Variants in ABCA12 observed in about 807,000 individuals in gnomAD.
ABCA12 encodes the protein ATP binding cassette subfamily A member 12, also known as glucosylceramide transporter ABCA12.
ABCA12 carries 156 observed loss-of-function variants against 293.5 expected under a neutral mutation model. The ratio of observed to expected loss-of-function variants is 0.53; its 90% CI spans 0.47 to 0.61. ABCA12 has a LOEUF of 0.61. ABCA12 is among the 20% of genes least tolerant of loss of function. ABCA12 has a pLI of 0.00. For missense variants in ABCA12, 2,797 were observed against 3,090.2 expected (o/e 0.91, Z 2.25); for synonymous variants, 1,063 against 1,108.0 (o/e 0.96, Z 0.81).
chr2:215,063,258 G>C (rs1701571745), intron 3 of ABCA12, among the ~76,000 whole-genome samples: 1 of 151,918 alleles, frequency 6.6e-6, no homozygotes, highest in Non-Finnish European at 1.5e-5. Context: ...GAGAAATTGT[G>C]CTACATGCTA....
At chr2:215,110,855 G>A (rs1702558453) in intron 2 of ABCA12, among the ~76,000 whole-genome samples, 1 of 152,200 alleles carries the variant, frequency 6.6e-6, no homozygotes, top group East Asian at 1.9e-4. Context: ...GGAGATGGCT[G>A]CTTTGTGAAG....
At chr2:215,120,312 C>T (rs1029160706) in intron 1 of ABCA12, among the ~76,000 whole-genome samples, 3 of 152,050 alleles carry the variant, frequency 2.0e-5, no homozygotes, top group Non-Finnish European at 4.4e-5. Flanking sequence ...GAAAAACTAC[C>T]TATTTGGTAC....
rs952951383 is a variant in ABCA12 at position 215,075,604 on chromosome 2, A to C, written c.164-11385T>G. 5 of 691,176 alleles carry C rather than the reference A, an allele frequency of 7.2e-6. No homozygotes were observed. The African/African-American group carries it at 8.9e-5, about 12-fold the overall frequency. 42.8% of individuals were successfully genotyped at this position (691,176 alleles called of 1,614,324 possible). On this transcript the variant is annotated intron_variant, in intron 2 of 52. Coordinates refer to ENST00000272895, the MANE Select transcript of ABCA12 (RefSeq NM_173076.3). ...CCATCCATCCATCACAAGTGTTCCA[A>C]GTAGAAGAATCCCCTGTAAAAGGAG...
chr2:214,993,489 T>C (rs920619057), intron 23 of ABCA12, among the ~76,000 whole-genome samples: 2 of 152,246 alleles, frequency 1.3e-5, no homozygotes, highest in African/African-American at 2.4e-5. Flanking sequence ...TTCAGAGATA[T>C]TCACCTGTTC....
At chr2:215,088,562 T>C (rs896893025) in intron 2 of ABCA12, among the ~76,000 whole-genome samples, 1 of 152,222 alleles carries the variant, frequency 6.6e-6, no homozygotes, top group Non-Finnish European at 1.5e-5. Flanking sequence ...TCTAGTGTAA[T>C]GAAAAGCTAT....
intron 49 of ABCA12, among the ~76,000 whole-genome samples, chr2:214,943,276 G>A (rs985745147): frequency 5.3e-5 from 8 of 152,028 alleles, no homozygotes; most frequent in South Asian, 2.1e-4. Flanking sequence ...TAGCTGGGAC[G>A]ACAGATGTGC....
In ABCA12 at chr2:215,025,788, G is replaced by A. The variant is rs1284769509; in HGVS notation, c.1181-9C>T. The A allele has an allele frequency of 6.3e-7, 1 of 1,576,004 alleles. No homozygotes were observed. Among genetic ancestry groups the A allele is most frequent in the Non-Finnish European group, 8.7e-7 (1 of 1,145,740 alleles). On this transcript the variant is annotated splice_polypyrimidine_tract_variant and intron_variant, in intron 10 of 52. Transcript: ENST00000272895. ...CAGGAGTCTTAGATTTTCTGTAAAG[G>A]AAGGGAGAAGAGTTACTTTATGTGA...
In ABCA12 at chr2:214,971,851, T is replaced by C. The variant is rs537648136; in HGVS notation, c.5563-1451A>G. Among the ~76,000 whole-genome samples the C allele has an allele frequency of 3.9e-5, 6 of 152,100 alleles. No individual in the cohort carries two copies. The South Asian group carries it at 1.2e-3, about 32-fold the overall frequency. ...TTGCCAAGTAGTTTTAAAAACTGTT[T>C]GCACAAAATTAAATTCCCAGAGCAG... On this transcript the variant is annotated intron_variant, in intron 36 of 52. Transcript: ENST00000272895.
intron 3 of ABCA12, among the ~76,000 whole-genome samples, chr2:215,061,044 G>A (rs1026257994): frequency 6.6e-6 from 1 of 152,026 alleles, no homozygotes; most frequent in African/African-American, 2.4e-5. Context: ...CCAACTGTGT[G>A]AGCAATGGCA....
chr2:215,001,075 C>G (rs1015004595), intron 21 of ABCA12, 55 bp from the exon 22 acceptor site: 184 of 1,568,122 alleles, frequency 1.2e-4, no homozygotes, highest in Non-Finnish European at 1.4e-4. Flanking sequence ...TGACGTTATT[C>G]ATTGTTTGGA....
intron 2 of ABCA12, among the ~76,000 whole-genome samples, chr2:215,083,964 T>C (rs1701991196): frequency 6.6e-6 from 1 of 152,166 alleles, no homozygotes; most frequent in Admixed American, 6.6e-5. Context: ...AAGAATATCT[T>C]TGACCTGTAC....
intron 36 of ABCA12, 21 bp from the exon 37 acceptor site, chr2:214,970,421 T>C (rs767934227): frequency 1.2e-6 from 2 of 1,612,558 alleles, no homozygotes; most frequent in Admixed American, 3.3e-5. Flanking sequence ...AAGTTAAAAA[T>C]GAATTTTTTT....
In ABCA12 at chr2:214,934,112, G is replaced by A. The variant is rs1559098062; in HGVS notation, c.7646C>T (p.Thr2549Ile). The A allele has an allele frequency of 1.2e-6, 2 of 1,613,584 alleles. No individual in the cohort carries two copies. Among genetic ancestry groups the A allele is most frequent in the Non-Finnish European group, 1.7e-6 (2 of 1,179,770 alleles). ...LETNKTALNI[T>I]NFLVSQTTLE... ...AGTGGTCTGACTCACTAAGAAATTT[G>A]TAATATTTAAAGCAGTCTTGTTGGT... The change falls in exon 52 of 53, where the codon ACA becomes ATA. Residue 2549 changes from threonine (T) to isoleucine (I), a missense_variant. Around this residue, in one of 3 missense-constraint regions of ABCA12, gnomAD observed 2,130 missense variants for 2,427.0 expected, o/e 0.88. Transcript: ENST00000272895.
At chr2:215,084,998 G>T (rs987430435) in intron 2 of ABCA12, among the ~76,000 whole-genome samples, 17 of 150,272 alleles carry the variant, frequency 1.1e-4, no homozygotes, top group African/African-American at 4.2e-4. Context: ...GGAGGCTGAG[G>T]CAGAAGAGTG....
intron 1 of ABCA12, among the ~76,000 whole-genome samples, chr2:215,113,714 T>C (rs545535428): frequency 6.6e-6 from 1 of 152,288 alleles, no homozygotes; most frequent in East Asian, 1.9e-4. Flanking sequence ...AAAAAGATTA[T>C]ATTTTTATTT....
At chr2:214,965,187 G>A (rs1416668591) in intron 39 of ABCA12, among the ~76,000 whole-genome samples, 2 of 152,132 alleles carry the variant, frequency 1.3e-5, no homozygotes, top group Admixed American at 1.3e-4. Context: ...GCAGAAAATT[G>A]AAACTGGACC....
intron 44 of ABCA12, among the ~76,000 whole-genome samples, chr2:214,952,347 A>C (rs925311609): frequency 6.6e-6 from 1 of 151,546 alleles, no homozygotes; most frequent in Non-Finnish European, 1.5e-5. Context: ...CAGCCTCCCG[A>C]GTAGCTGGGA....
chr2:214,950,410 GTGTGTGTGTGTA>G (rs1234474413), intron 45 of ABCA12, among the ~76,000 whole-genome samples: 1 of 117,702 alleles, frequency 8.5e-6, no homozygotes, highest in Non-Finnish European at 1.9e-5. Context: ...GTGTGTGTGT[GTGTGTGTGTGTA>G]TATATATGCA....
Position 214,970,424 on chromosome 2 carries a change from A to AT in ABCA12, c.5563-25dup, listed in dbSNP as rs760689612. 5.0e-6 allele frequency: 8 copies of AT among 1,612,276 alleles called. No individual in the cohort carries two copies. The African/African-American group carries it at 8.0e-5, about 16-fold the overall frequency. ...TCCTGGAAAATAAAGTTAAAAATGA[A>AT]TTTTTTTCTGGCCAATGCTGTGCAA... On this transcript the variant is annotated intron_variant, in intron 36 of 52. Transcript: ENST00000272895.
Sources: allele counts gnomAD v4.1 joint callset (sites outside exome capture counted in the v4.1 genomes callset), GRCh38; gene constraint gnomAD v4.1.1; regional missense constraint gnomAD v4.1.1; transcripts MANE v1.5; gene names NCBI Gene and HGNC (gene_info 2026-07-23, HGNC 2026-07-21).